Variants in TMEM212 observed in about 807,000 individuals in gnomAD.
TMEM212 encodes transmembrane protein 212.
TMEM212 carries 23 observed loss-of-function variants against 20.5 expected under a neutral mutation model. The observed-to-expected ratio is 1.12, with a 90% CI of 0.81 to 1.59. The LOEUF (loss-of-function observed/expected upper bound fraction) is 1.59, where lower values mean the gene tolerates loss of function less well. Among genes scored for constraint, TMEM212 ranks in the 40% most tolerant of loss-of-function variants. TMEM212 has a pLI of 0.00. For synonymous variants in TMEM212, 76 were observed against 81.6 expected, an observed-to-expected ratio of 0.93 and a Z score of 0.37; for missense variants, 211 against 215.0, an observed-to-expected ratio of 0.98 and a Z score of 0.12.
intron 2 of TMEM212, 59 bp from the exon 3 acceptor site, chr3:171,853,468 A>G: frequency 7.0e-7 from 1 of 1,424,764 alleles, no homozygotes; most frequent in East Asian, 2.5e-5. Context: ...TCATATTGCT[A>G]AGAAGCCTTT....
chr3:171,853,396 GA>G, intron 2 of TMEM212, 130 bp from the exon 3 acceptor site: 1 of 729,714 alleles, frequency 1.4e-6, no homozygotes, highest in South Asian at 2.0e-5. Flanking sequence ...AGAGAGTCGT[GA>G]TTGATTTCTC....
intron 1 of TMEM212, among the ~76,000 whole-genome samples, chr3:171,850,463 A>G (rs1458097385): frequency 3.3e-5 from 5 of 152,224 alleles, no homozygotes; most frequent in Non-Finnish European, 7.3e-5. Context: ...AGCATCTGAT[A>G]ATGTCAGCTA....
intron 2 of TMEM212, among the ~76,000 whole-genome samples, chr3:171,852,260 G>C (rs1327322493): frequency 2.0e-5 from 3 of 151,960 alleles, no homozygotes; most frequent in Non-Finnish European, 4.4e-5. Flanking sequence ...GAGTGCAGTG[G>C]CATGATCTCG....
At chr3:171,848,926 C>T (rs1408537184) in intron 1 of TMEM212, among the ~76,000 whole-genome samples, 1 of 151,590 alleles carries the variant, frequency 6.6e-6, no homozygotes, top group Non-Finnish European at 1.5e-5. Flanking sequence ...CTTTCTAAAC[C>T]CCTTCAGTAG....
chr3:171,854,654 G>A (rs1725069628), intron 3 of TMEM212, among the ~76,000 whole-genome samples: 1 of 152,106 alleles, frequency 6.6e-6, no homozygotes, highest in African/African-American at 2.4e-5. Context: ...AATCTTAAAT[G>A]TGCATAGATC....
chr3:171,848,724 G>A (rs1311653759), intron 1 of TMEM212, among the ~76,000 whole-genome samples: 1 of 150,404 alleles, frequency 6.6e-6, no homozygotes, highest in African/African-American at 2.5e-5. Context: ...TCTTTTATAT[G>A]CATCATAATG....
chr3:171,851,015 T>G (rs186648588), intron 1 of TMEM212, among the ~76,000 whole-genome samples: 50 of 152,344 alleles, frequency 3.3e-4, no homozygotes, highest in Non-Finnish European at 6.6e-4. Context: ...ATGCTGATTT[T>G]TTTTCCTCCT....
At position 171,843,511 on chromosome 3, in the gene TMEM212, G is replaced by C. The variant is rs1001437435; in HGVS notation, c.128G>C (p.Arg43Pro). 6.5e-7 allele frequency: 1 copy of C among 1,536,226 alleles called. No individual in the cohort carries two copies. The highest frequency in any genetic ancestry group is 1.2e-5 in the South Asian group (1 of 83,892). ...CCTTGGTTCACAGGATGGAGTGTTC[G>C]AATTGCTTGTCCTATCTGGAATGGA... ...YKPWFTGWSV[R>P]IACPIWNGAL... Residue 43 changes from arginine (R) to proline (P), a missense_variant, in exon 1 of 5, where the codon CGA (arginine) becomes CCA (proline). Transcript: ENST00000334567.
At chr3:171,852,557 A>C (rs1280895538) in intron 2 of TMEM212, among the ~76,000 whole-genome samples, 1 of 152,162 alleles carries the variant, frequency 6.6e-6, no homozygotes, top group Non-Finnish European at 1.5e-5. Context: ...TCCTGTGATC[A>C]TTATTGTATT....
At chr3:171,848,931 C>T (rs2108379496) in intron 1 of TMEM212, among the ~76,000 whole-genome samples, 1 of 151,892 alleles carries the variant, frequency 6.6e-6, no homozygotes, top group East Asian at 1.9e-4. Context: ...TAAACCCCTT[C>T]AGTAGTCAGG....
chr3:171,843,374 A>T lies in TMEM212; in HGVS notation c.-10A>T. 1.3e-6 allele frequency: 2 copies of T among 1,531,652 alleles called. No individual in the cohort carries two copies. Among genetic ancestry groups the T allele is most frequent in the African/African-American group, 2.7e-5 (2 of 72,920 alleles). 94.9% of individuals were successfully genotyped at this position (1,531,652 alleles called of 1,614,324 possible). A position where few individuals can be genotyped will look rare whatever the true frequency, so the allele number is the denominator to read the frequency against. ...ATCTTTGAGACCAAGGCCTCAAGCC[A>T]CCAAGGAAAATGAAGGGCCTCTACC... is the stretch of plus-strand genomic sequence containing the variant. On this transcript the variant is annotated 5_prime_UTR_variant, in exon 1 of 5. Transcript: ENST00000334567.
chr3:171,844,445 C>A (rs760174962), intron 1 of TMEM212, among the ~76,000 whole-genome samples: 2 of 152,184 alleles, frequency 1.3e-5, no homozygotes, highest in Admixed American at 1.3e-4. Flanking sequence ...TGGTGGCTCA[C>A]GCTTGTAATC....
intron 1 of TMEM212, among the ~76,000 whole-genome samples, chr3:171,850,110 T>C (rs1358185015): frequency 1.3e-5 from 2 of 152,124 alleles, no homozygotes; most frequent in African/African-American, 2.4e-5. Flanking sequence ...TCTAAAAATA[T>C]AATTTTCAAG....
intron 3 of TMEM212, among the ~76,000 whole-genome samples, chr3:171,854,888 G>C (rs528607288): frequency 6.7e-4 from 102 of 152,238 alleles, no homozygotes; most frequent in African/African-American, 2.1e-3. Flanking sequence ...CAAGAAAAAG[G>C]GATATTTAGG....
chr3:171,849,857 C>T (rs1258896889), intron 1 of TMEM212, among the ~76,000 whole-genome samples: 2 of 152,084 alleles, frequency 1.3e-5, no homozygotes, highest in Non-Finnish European at 2.9e-5. Context: ...CCTGGAAGCG[C>T]CCAGAAAGCA....
At chr3:171,852,186 A>T (rs749109479) in intron 2 of TMEM212, 145 bp downstream of exon 2, 112 of 665,684 alleles carry the variant, frequency 1.7e-4, no homozygotes, top group Non-Finnish European at 2.4e-4. Context: ...GATTTCAGAA[A>T]TAAACTCTGT....
chr3:171,853,072 A>G (rs1378409396), intron 2 of TMEM212, among the ~76,000 whole-genome samples: 1 of 152,216 alleles, frequency 6.6e-6, no homozygotes, highest in Non-Finnish European at 1.5e-5. Context: ...ATGTGATGGG[A>G]AACACATAAA....
At chr3:171,849,637 C>G (rs1434829776) in intron 1 of TMEM212, among the ~76,000 whole-genome samples, 1 of 152,220 alleles carries the variant, frequency 6.6e-6, no homozygotes, top group Non-Finnish European at 1.5e-5. Context: ...AGACTCATAA[C>G]AGATGCTTGT....
intron 2 of TMEM212, 85 bp from the exon 3 acceptor site, chr3:171,853,442 A>C: frequency 1.8e-6 from 2 of 1,121,356 alleles, no homozygotes. Context: ...CATAGCCAGC[A>C]TCTCTTTTAT....
Sources: gnomAD v4.1 joint callset for allele counts (sites outside exome capture counted in the v4.1 genomes callset) on GRCh38, gnomAD v4.1.1 for gene constraint, MANE v1.5 for transcripts, NCBI Gene and HGNC (gene_info 2026-07-23, HGNC 2026-07-21) for gene names.